Variants in DYNC1I1 observed in about 807,000 individuals in gnomAD.
DYNC1I1 encodes the protein dynein cytoplasmic 1 intermediate chain 1.
Under a neutral mutation model 86.6 loss-of-function variants are expected in DYNC1I1, and 43 were observed. The ratio of observed to expected loss-of-function variants is 0.50; its 90% CI spans 0.39 to 0.64. The LOEUF (loss-of-function observed/expected upper bound fraction) is 0.64. Ranked by LOEUF, DYNC1I1 falls within the 30% of genes least tolerant of loss-of-function variation. The pLI, the probability that DYNC1I1 is intolerant of heterozygous loss-of-function variation, is 0.00. For missense variants in DYNC1I1, 604 were observed against 788.8 expected (o/e 0.77, Z 2.81); for synonymous variants, 262 against 283.7 (o/e 0.92, Z 0.77).
rs1404153382 is a variant in DYNC1I1 at position 95,813,297 on chromosome 7, G to A, written c.274G>A (p.Ala92Thr). Residue 92 changes from alanine (A) to threonine (T), a missense_variant, in exon 4 of 17, where the codon GCT becomes ACT. Transcript: ENST00000447467. ...SSKSVSTPSE[A>T]GSQDSGDLGP... ...GAAATCAGTGAGCACTCCCAGTGAA[G>A]CTGGAAGCCAAGACTCAGGCGATCT... The A allele has an allele frequency of 1.2e-6, 2 of 1,612,118 alleles. No individual in the cohort carries two copies. Among genetic ancestry groups the A allele is most frequent in the Non-Finnish European group, 1.7e-6 (2 of 1,179,428 alleles).
intron 6 of DYNC1I1, among the ~76,000 whole-genome samples, chr7:95,952,137 C>T (rs960786321): frequency 2.6e-5 from 4 of 151,920 alleles, no homozygotes; most frequent in African/African-American, 9.7e-5. Flanking sequence ...TTCTACCTTC[C>T]TTTTATTTTT....
intron 14 of DYNC1I1, among the ~76,000 whole-genome samples, chr7:96,039,813 T>C (rs1431575068): frequency 1.3e-5 from 2 of 152,118 alleles, no homozygotes; most frequent in African/African-American, 4.8e-5. Context: ...TACTTACATA[T>C]GTACCTATGG....
intron 16 of DYNC1I1, among the ~76,000 whole-genome samples, chr7:96,084,319 G>GA (rs5885940): frequency 0.28 from 39,278 of 141,812 alleles, 6,976 homozygotes; most frequent in African/African-American, 0.49. Flanking sequence ...AGGCAAATCA[G>GA]AAAAAAAAAA....
chr7:96,027,325 A>G (rs1794706121), intron 10 of DYNC1I1, among the ~76,000 whole-genome samples: 1 of 152,220 alleles, frequency 6.6e-6, no homozygotes, highest in Non-Finnish European at 1.5e-5. Context: ...TGCAAATATG[A>G]AAAGTACCGT....
At chr7:95,835,028 T>C (rs1789036780) in intron 5 of DYNC1I1, among the ~76,000 whole-genome samples, 1 of 102,178 alleles carries the variant, frequency 9.8e-6, no homozygotes, top group South Asian at 4.0e-4. Flanking sequence ...TGAATGTGTT[T>C]GCTCTTGCTT....
At chr7:96,047,565 A>G (rs1789255464) in intron 14 of DYNC1I1, among the ~76,000 whole-genome samples, 1 of 152,190 alleles carries the variant, frequency 6.6e-6, no homozygotes, top group Non-Finnish European at 1.5e-5. Context: ...CAGTGAGAAC[A>G]CTTTTAGTGG....
chr7:96,088,791 C>T (rs940102428), intron 16 of DYNC1I1, among the ~76,000 whole-genome samples: 30 of 152,106 alleles, frequency 2.0e-4, no homozygotes, highest in African/African-American at 7.0e-4. Context: ...GTAGGTCGGA[C>T]TTGAAAAGCG....
At chr7:96,003,854 A>T (rs1356742529) in intron 10 of DYNC1I1, among the ~76,000 whole-genome samples, 1 of 152,012 alleles carries the variant, frequency 6.6e-6, no homozygotes, top group Non-Finnish European at 1.5e-5. Context: ...TCTATTTTTT[A>T]AAAATATAGC....
intron 9 of DYNC1I1, among the ~76,000 whole-genome samples, chr7:95,989,525 A>C (rs777908542): frequency 2.0e-5 from 3 of 152,322 alleles, no homozygotes; most frequent in African/African-American, 7.2e-5. Context: ...TATCTGACAC[A>C]TTCCTCAAAG....
At chr7:95,934,344 C>G (rs1015086182) in intron 6 of DYNC1I1, among the ~76,000 whole-genome samples, 1 of 152,092 alleles carries the variant, frequency 6.6e-6, no homozygotes, top group Non-Finnish European at 1.5e-5. Flanking sequence ...CAAATTATAG[C>G]CCTTGTTAGG....
At chr7:96,089,274 T>G (rs1220704532) in intron 16 of DYNC1I1, among the ~76,000 whole-genome samples, 1 of 151,990 alleles carries the variant, frequency 6.6e-6, no homozygotes, top group Non-Finnish European at 1.5e-5. Context: ...TCCACAGAAT[T>G]GTACAAAAAG....
intron 16 of DYNC1I1, among the ~76,000 whole-genome samples, chr7:96,094,658 C>T (rs564738282): frequency 6.6e-6 from 1 of 152,304 alleles, no homozygotes; most frequent in African/African-American, 2.4e-5. Flanking sequence ...TAAGATGATA[C>T]TTAAAGTACT....
chr7:95,962,812 A>G (rs1289706800), intron 6 of DYNC1I1, among the ~76,000 whole-genome samples: 1 of 152,140 alleles, frequency 6.6e-6, no homozygotes, highest in African/African-American at 2.4e-5. Context: ...TAGATAATTT[A>G]CCTACTACAA....
At chr7:95,816,191 T>A (rs567373644) in intron 4 of DYNC1I1, among the ~76,000 whole-genome samples, 1 of 152,064 alleles carries the variant, frequency 6.6e-6, no homozygotes, top group Non-Finnish European at 1.5e-5. Context: ...CTAATTTTTA[T>A]TTTTACTTTT....
At position 96,028,227 on chromosome 7, in the gene DYNC1I1, G is replaced by T; in HGVS notation, c.1022G>T (p.Gly341Val). The T allele has an allele frequency of 6.2e-7, 1 of 1,613,886 alleles. No individual in the cohort carries two copies. Among genetic ancestry groups the T allele is most frequent in the Non-Finnish European group, 8.5e-7 (1 of 1,179,874 alleles). ...CGTTTCCATCCTAACTTGGTGGTTG[G>T]TGGGACTTACTCGGGCCAGATTGTC... ...FARFHPNLVV[G>V]GTYSGQIVLW... is the part of the protein sequence containing the mutation. The change falls in exon 11 of 17, where the codon GGT (glycine) becomes GTT (valine). Residue 341 changes from glycine to valine, a missense_variant. By Grantham distance (109) the Gly-to-Val change is moderately radical. Coordinates refer to ENST00000447467, the MANE Select transcript of DYNC1I1 (RefSeq NM_001135556.2).
intron 6 of DYNC1I1, among the ~76,000 whole-genome samples, chr7:95,915,116 T>TC (rs1349949394): frequency 3.3e-5 from 5 of 152,240 alleles, no homozygotes; most frequent in African/African-American, 1.2e-4. Flanking sequence ...TCATGTTACT[T>TC]AGATAATTAA....
rs796798214 is a variant in DYNC1I1 at position 95,828,649 on chromosome 7, A to T, written c.374+533A>T. 4.6e-5 allele frequency among the ~76,000 whole-genome samples: 7 copies of T among 152,304 alleles called. No individual in the cohort carries two copies. In the South Asian group the frequency reaches 1.2e-3, roughly 27 times the overall value. On this transcript the variant is annotated intron_variant, in intron 5 of 16. Coordinates refer to ENST00000447467, the MANE Select transcript of DYNC1I1 (RefSeq NM_001135556.2). ...AAATTAATTGAATACCTTGATCTAA[A>T]GATATTTCAAATACTAGATGTTGAG...
Position 95,878,951 on chromosome 7 carries a change from G to GAA in DYNC1I1, c.490+8965_490+8966dup, listed in dbSNP as rs35720595. 3.1e-3 allele frequency among the ~76,000 whole-genome samples: 444 copies of GAA among 142,044 alleles called. 2 individuals carry two copies. The highest frequency in any genetic ancestry group is 4.3e-3 in the Non-Finnish European group (282 of 65,484). The allele number at this position is 142,044 out of a possible 152,430, so 93.2% of individuals were successfully genotyped here. A position where few individuals can be genotyped will look rare whatever the true frequency, so the allele number is the denominator to read the frequency against. On this transcript the variant is annotated intron_variant, in intron 6 of 16. Transcript: ENST00000447467. Reference sequence around the variant, plus strand: ...TATTCCTAGTGCCCAAAGAAAAGAAGAAAAAAAAAAAAACAACTATCAATC... The same window carrying GAA: ...TATTCCTAGTGCCCAAAGAAAAGAAGAAAAAAAAAAAAAAACAACTATCAATC...
chr7:95,855,179 A>G (rs550590182), intron 5 of DYNC1I1, among the ~76,000 whole-genome samples: 29 of 152,270 alleles, frequency 1.9e-4, no homozygotes, highest in African/African-American at 6.5e-4. Flanking sequence ...ATCTTTATTT[A>G]TACTTCATTT....
Sources: gnomAD v4.1 joint callset for allele counts (sites outside exome capture counted in the v4.1 genomes callset) on GRCh38, gnomAD v4.1.1 for gene constraint, MANE v1.5 for transcripts, NCBI Gene and HGNC (gene_info 2026-07-23, HGNC 2026-07-21) for gene names.